The following CHST11 variants were observed in gnomAD, a reference collection of about 807,000 sequenced individuals.
CHST11 encodes C4S-1.
A neutral mutation model predicts 30.4 loss-of-function variants in CHST11; 9 were observed. The observed-to-expected ratio is 0.30, with a 90% CI of 0.18 to 0.52. The LOEUF is 0.52. Among genes scored for constraint, CHST11 ranks in the 20% least tolerant of loss-of-function variants. CHST11 has a pLI of 0.97. For synonymous variants in CHST11, 152 were observed against 187.8 expected (o/e 0.81, Z 1.56); for missense variants, 348 against 460.6 (o/e 0.76, Z 2.24).
At chr12:104,562,870 T>G (rs1252691372) in intron 1 of CHST11, among the ~76,000 whole-genome samples, 1 of 152,200 alleles carries the variant, frequency 6.6e-6, no homozygotes, top group East Asian at 1.9e-4. Context: ...TTTGTCTGCC[T>G]CTTGGCACCT....
At chr12:104,709,726 C>T (rs577688583) in intron 2 of CHST11, among the ~76,000 whole-genome samples, 1 of 152,086 alleles carries the variant, frequency 6.6e-6, no homozygotes, top group African/African-American at 2.4e-5. Flanking sequence ...TCCGTGGAGA[C>T]AGAGAGCAGG....
In CHST11 at chr12:104,698,083, G is replaced by T. The variant is rs531306599; in HGVS notation, c.205-58866G>T. ...CAATGTCCCCTAGTTGAATGCATCA[G>T]CATGTTTATTTCATGCAGTCACATA... On this transcript the variant is annotated intron_variant, in intron 2 of 2. Coordinates refer to ENST00000303694, the MANE Select transcript of CHST11 (RefSeq NM_018413.6). Among the ~76,000 whole-genome samples, 5 of 152,232 alleles carry T rather than the reference G, an allele frequency of 3.3e-5. No individual in the cohort carries two copies. In the East Asian group the frequency reaches 9.7e-4, roughly 29 times the overall value.
At chr12:104,718,591 C>T (rs2040149915) in intron 2 of CHST11, among the ~76,000 whole-genome samples, 2 of 152,202 alleles carry the variant, frequency 1.3e-5, no homozygotes, top group South Asian at 4.1e-4. Flanking sequence ...CTCCCTGCCA[C>T]CTGCAGTCCC....
intron 1 of CHST11, among the ~76,000 whole-genome samples, chr12:104,531,297 T>G (rs1400801812): frequency 6.6e-6 from 1 of 152,012 alleles, no homozygotes; most frequent in African/African-American, 2.4e-5. Flanking sequence ...GAGACCAGCC[T>G]GGGCAACATA....
At chr12:104,695,475 A>G (rs571803521) in intron 2 of CHST11, among the ~76,000 whole-genome samples, 14 of 144,038 alleles carry the variant, frequency 9.7e-5, no homozygotes, top group African/African-American at 2.0e-4. Context: ...GTGTGTGTGT[A>G]TGTGTCCTTG....
intron 2 of CHST11, among the ~76,000 whole-genome samples, chr12:104,723,164 A>T (rs2040191745): frequency 6.6e-6 from 1 of 152,176 alleles, no homozygotes; most frequent in South Asian, 2.1e-4. Flanking sequence ...AGCAGTATTA[A>T]CAACAATGAC....
At chr12:104,553,759 A>G (rs1220303639) in intron 1 of CHST11, among the ~76,000 whole-genome samples, 1 of 152,216 alleles carries the variant, frequency 6.6e-6, no homozygotes, top group African/African-American at 2.4e-5. Flanking sequence ...TCAGCATGAG[A>G]TTTGGATGGG....
At chr12:104,480,500 C>T (rs1033858199) in intron 1 of CHST11, among the ~76,000 whole-genome samples, 2 of 150,236 alleles carry the variant, frequency 1.3e-5, no homozygotes, top group South Asian at 2.1e-4. Context: ...ATTGCTTAAA[C>T]CTGGGAGGCG....
At chr12:104,647,351 T>A (rs972613740) in intron 2 of CHST11, among the ~76,000 whole-genome samples, 3 of 152,142 alleles carry the variant, frequency 2.0e-5, no homozygotes, top group African/African-American at 7.2e-5. Flanking sequence ...ATAAAATAAA[T>A]TTTCATTTAA....
At chr12:104,622,096 C>T (rs1337814729) in intron 2 of CHST11, among the ~76,000 whole-genome samples, 1 of 152,222 alleles carries the variant, frequency 6.6e-6, no homozygotes, top group East Asian at 1.9e-4. Flanking sequence ...TACATACCGG[C>T]AGGGAATAGG....
At chr12:104,755,853 G>A (rs1024161302) in intron 2 of CHST11, among the ~76,000 whole-genome samples, 2 of 152,118 alleles carry the variant, frequency 1.3e-5, no homozygotes, top group African/African-American at 4.8e-5. Flanking sequence ...TCCCAGATGG[G>A]CCCAGCCTAA....
chr12:104,545,843 A>C, intron 1 of CHST11, among the ~76,000 whole-genome samples: 1 of 149,734 alleles, frequency 6.7e-6, no homozygotes, highest in South Asian at 2.1e-4. Context: ...CTCTTTTTTT[A>C]AAAGCAGCAT....
At chr12:104,503,943 G>T (rs1359260441) in intron 1 of CHST11, among the ~76,000 whole-genome samples, 1 of 152,206 alleles carries the variant, frequency 6.6e-6, no homozygotes, top group Non-Finnish European at 1.5e-5. Flanking sequence ...ATGGTAAAAT[G>T]CTTTTGGACT....
At chr12:104,533,112 A>C (rs1268208127) in intron 1 of CHST11, among the ~76,000 whole-genome samples, 1 of 152,068 alleles carries the variant, frequency 6.6e-6, no homozygotes, top group Non-Finnish European at 1.5e-5. Flanking sequence ...CCAATTACTC[A>C]AACCCCTATA....
chr12:104,594,459 A>G (rs1023760728), intron 1 of CHST11, among the ~76,000 whole-genome samples: 2 of 152,204 alleles, frequency 1.3e-5, no homozygotes, highest in African/African-American at 4.8e-5. Context: ...TTTACCTCTC[A>G]TATTTATGAG....
At chr12:104,494,276 GGCA>G (rs2037778231) in intron 1 of CHST11, among the ~76,000 whole-genome samples, 1 of 152,186 alleles carries the variant, frequency 6.6e-6, no homozygotes, top group Non-Finnish European at 1.5e-5. Flanking sequence ...ACGAAGCAAA[GGCA>G]GGAGCTTGTG....
At chr12:104,572,920 A>G (rs988248218) in intron 1 of CHST11, among the ~76,000 whole-genome samples, 12 of 152,206 alleles carry the variant, frequency 7.9e-5, no homozygotes, top group Admixed American at 2.6e-4. Flanking sequence ...GAGGAAGTCA[A>G]ATTGTCCCTG....
rs2040486489 is a variant in CHST11 at position 104,757,305 on chromosome 12, G to A, written c.561G>A (p.Glu187=). ...ACATGAAGTTCCTGTTTGTCCGGGA[G>A]CCCTTCGAGAGGCTAGTGTCCGCCT... is the stretch of plus-strand genomic sequence containing the variant. ...KSYMKFLFVR[E]PFERLVSAYR... The change falls in exon 3 of 3, where the codon GAG becomes GAA. Residue 187 remains glutamate (E), a synonymous_variant. Transcript: ENST00000303694. The surrounding 1 kb of genome is among the most constrained non-coding windows in gnomAD (Gnocchi z 6.5). The A allele has an allele frequency of 6.2e-7, 1 of 1,613,966 alleles. No homozygotes were observed. The highest frequency in any genetic ancestry group is 8.5e-7 in the Non-Finnish European group (1 of 1,180,042).
intron 2 of CHST11, among the ~76,000 whole-genome samples, chr12:104,697,623 A>G (rs184663299): frequency 6.6e-6 from 1 of 152,226 alleles, no homozygotes; most frequent in Non-Finnish European, 1.5e-5. Flanking sequence ...TATCCTACTG[A>G]TTCTGTTCCT....
Sources: allele counts gnomAD v4.1 joint callset (sites outside exome capture counted in the v4.1 genomes callset), GRCh38; gene constraint gnomAD v4.1.1; non-coding constraint Gnocchi (gnomAD v3.1); transcripts MANE v1.5; gene names NCBI Gene and HGNC (gene_info 2026-07-23, HGNC 2026-07-21).